Variants in OSBPL6 observed in about 807,000 individuals in gnomAD.
The protein encoded by OSBPL6 is oxysterol-binding protein-related protein 6.
In OSBPL6, 49 loss-of-function variants were observed where a neutral mutation model predicts 125.8. That is an observed-to-expected ratio of 0.39 (90% CI 0.31 to 0.49). OSBPL6 has a LOEUF of 0.49. Among genes scored for constraint, OSBPL6 ranks in the 20% least tolerant of loss-of-function variants. The pLI, the probability that OSBPL6 is intolerant of heterozygous loss-of-function variation, is 0.88. For missense variants in OSBPL6, 986 were observed against 1,135.4 expected (o/e 0.87, Z 1.89); for synonymous variants, 394 against 391.8 (o/e 1.01, Z -0.07).
chr2:178,361,495 T>G (rs1390560898), intron 12 of OSBPL6, among the ~76,000 whole-genome samples, 187 bp from the exon 13 acceptor site: 1 of 152,234 alleles, frequency 6.6e-6, no homozygotes, highest in African/African-American at 2.4e-5. Context: ...CAATTGCCAT[T>G]GTAATATTTG....
At chr2:178,261,308 G>A (rs2092052873) in intron 1 of OSBPL6, among the ~76,000 whole-genome samples, 1 of 151,564 alleles carries the variant, frequency 6.6e-6, no homozygotes. Flanking sequence ...GATTTGGGTG[G>A]TGGTCACGTA....
At chr2:178,320,829 T>A (rs1688171694) in intron 3 of OSBPL6, among the ~76,000 whole-genome samples, 1 of 152,230 alleles carries the variant, frequency 6.6e-6, no homozygotes, top group South Asian at 2.1e-4. Context: ...TTTTAACTGT[T>A]TTCAAAAGTT....
intron 2 of OSBPL6, among the ~76,000 whole-genome samples, chr2:178,303,039 T>C (rs334611): frequency 0.75 from 113,496 of 152,136 alleles, 42,967 homozygotes; most frequent in Non-Finnish European, 0.81. Context: ...CCGAGCAGTG[T>C]CTGTGCATTC....
intron 11 of OSBPL6, among the ~76,000 whole-genome samples, chr2:178,348,817 G>T (rs1690970255): frequency 6.6e-6 from 1 of 152,184 alleles, no homozygotes; most frequent in African/African-American, 2.4e-5. Flanking sequence ...ATTTTCACAG[G>T]TTTAGTAAGA....
At chr2:178,286,825 A>G (rs1303865479) in intron 2 of OSBPL6, among the ~76,000 whole-genome samples, 2 of 152,200 alleles carry the variant, frequency 1.3e-5, no homozygotes, top group African/African-American at 2.4e-5. Context: ...CAGTAATGCT[A>G]TGCCCTCTAT....
intron 1 of OSBPL6, among the ~76,000 whole-genome samples, chr2:178,222,782 G>A (rs2153971164): frequency 6.6e-6 from 1 of 152,246 alleles, no homozygotes; most frequent in African/African-American, 2.4e-5. Flanking sequence ...TAGACCCTCT[G>A]CCAAGAAATA....
At chr2:178,276,011 G>A (rs1257676733) in intron 1 of OSBPL6, among the ~76,000 whole-genome samples, 1 of 152,178 alleles carries the variant, frequency 6.6e-6, no homozygotes, top group Non-Finnish European at 1.5e-5. Flanking sequence ...TTAAGCAAAT[G>A]TAATTGAGTT....
intron 1 of OSBPL6, among the ~76,000 whole-genome samples, chr2:178,209,116 G>A (rs186396817): frequency 5.9e-5 from 9 of 152,128 alleles, no homozygotes; most frequent in East Asian, 3.9e-4. Context: ...TTGGTGTGCC[G>A]TTTCAGTCTG....
intron 1 of OSBPL6, among the ~76,000 whole-genome samples, chr2:178,278,600 A>C (rs926506763): frequency 6.6e-6 from 1 of 152,230 alleles, no homozygotes; most frequent in Non-Finnish European, 1.5e-5. Context: ...TTAACAAGAA[A>C]GCCACAGTAG....
intron 1 of OSBPL6, among the ~76,000 whole-genome samples, chr2:178,249,827 G>GT (rs34986231): frequency 0.07 from 8,389 of 119,428 alleles, 337 homozygotes; most frequent in East Asian, 0.097. Flanking sequence ...AACTAGAAGT[G>GT]TTTTTTTTTT....
chr2:178,229,820 A>G (rs556136857), intron 1 of OSBPL6, among the ~76,000 whole-genome samples: 1 of 152,352 alleles, frequency 6.6e-6, no homozygotes, highest in East Asian at 1.9e-4. Context: ...CTACAGAATG[A>G]GACCTTGTCT....
chr2:178,349,831 G>T (rs766963934), intron 12 of OSBPL6, among the ~76,000 whole-genome samples: 8 of 152,236 alleles, frequency 5.3e-5, no homozygotes, highest in Admixed American at 1.3e-4. Context: ...CTCTGTGCCA[G>T]ATGTCTTTGA....
At chr2:178,393,254 A>C (rs6720559) in intron 23 of OSBPL6, among the ~76,000 whole-genome samples, 81,741 of 151,956 alleles carry the variant, frequency 0.54, 22,700 homozygotes, top group East Asian at 0.75. Flanking sequence ...GTTACAGGGG[A>C]ACTCAGAAAT....
chr2:178,200,247 C>CTTTTTT (rs767677596), intron 1 of OSBPL6, among the ~76,000 whole-genome samples: 21 of 109,722 alleles, frequency 1.9e-4, no homozygotes, highest in Non-Finnish European at 2.7e-4. Context: ...TTCTTCAGAC[C>CTTTTTT]TTTTTTTTTT....
intron 15 of OSBPL6, among the ~76,000 whole-genome samples, chr2:178,379,647 A>T (rs1322138669): frequency 6.6e-6 from 1 of 152,144 alleles, no homozygotes; most frequent in East Asian, 1.9e-4. Flanking sequence ...ATTGTGTATG[A>T]TTAGATTTTT....
intron 12 of OSBPL6, among the ~76,000 whole-genome samples, chr2:178,357,306 A>G (rs1405897650): frequency 6.6e-6 from 1 of 152,252 alleles, no homozygotes; most frequent in Non-Finnish European, 1.5e-5. Context: ...CAGGCAACCT[A>G]CAGAATGGGA....
chr2:178,311,422 G>T (rs1687258596), intron 3 of OSBPL6, among the ~76,000 whole-genome samples: 1 of 152,116 alleles, frequency 6.6e-6, no homozygotes, highest in Non-Finnish European at 1.5e-5. Flanking sequence ...CTACCACCTG[G>T]CATGTTATCT....
chr2:178,301,692 G>C (rs1439656794), intron 2 of OSBPL6, among the ~76,000 whole-genome samples: 3 of 152,006 alleles, frequency 2.0e-5, no homozygotes, highest in Admixed American at 1.3e-4. Flanking sequence ...ACTCACCTAG[G>C]CCATGTGACT....
intron 1 of OSBPL6, among the ~76,000 whole-genome samples, chr2:178,279,637 C>T (rs1054899433): frequency 3.3e-5 from 5 of 152,158 alleles, no homozygotes; most frequent in African/African-American, 7.2e-5. Flanking sequence ...ATGTGCTGTA[C>T]GAAAACGCAT....
Sources: allele counts gnomAD v4.1 joint callset (sites outside exome capture counted in the v4.1 genomes callset), GRCh38; gene constraint gnomAD v4.1.1; transcripts MANE v1.5; gene names NCBI Gene and HGNC (gene_info 2026-07-23, HGNC 2026-07-21).